Variants in MAP2K2 observed in about 807,000 individuals in gnomAD.
MAP2K2 encodes dual specificity mitogen-activated protein kinase kinase 2.
MAP2K2 carries 24 observed loss-of-function variants against 43.7 expected under a neutral mutation model. That is an observed-to-expected ratio of 0.55 (90% CI 0.40 to 0.77). The LOEUF (loss-of-function observed/expected upper bound fraction) is 0.77, where lower values mean the gene tolerates loss of function less well. MAP2K2 is among the 30% of genes least tolerant of loss of function. The probability of loss-of-function intolerance (pLI) is 0.00; values close to 1 mark genes in which losing one functional copy is unlikely to be tolerated. For synonymous variants in MAP2K2, 244 were observed against 239.7 expected, an observed-to-expected ratio of 1.02 and a Z score of -0.17; for missense variants, 470 against 566.8, an observed-to-expected ratio of 0.83 and a Z score of 1.73.
At chr19:4,122,217 G>C (rs1392800642) in intron 1 of MAP2K2, among the ~76,000 whole-genome samples, 5 of 16,270 alleles carry the variant, frequency 3.1e-4, no homozygotes, top group African/African-American at 1.5e-3. Flanking sequence ...CCCCCATAGG[G>C]ACCCTCCCAC....
chr19:4,094,618 C>T (rs1949120288), intron 9 of MAP2K2, 120 bp from the exon 10 acceptor site: 2 of 935,198 alleles, frequency 2.1e-6, no homozygotes, highest in African/African-American at 3.3e-5. Flanking sequence ...ATCTCTCCGA[C>T]CAGAGAGAGT....
chr19:4,112,515 G>A (rs2041166647), intron 2 of MAP2K2, among the ~76,000 whole-genome samples: 1 of 152,210 alleles, frequency 6.6e-6, no homozygotes, highest in African/African-American at 2.4e-5. Flanking sequence ...CACAGCACAG[G>A]GCGTGTGTGG....
chr19:4,097,274 C>G lies in MAP2K2; in HGVS notation c.984+5G>C. ...AAGAAAAGCCAAAAGGCATCAAGCA[C>G]AAACCTCGTTCACAATATAGTCCAG... On this transcript the variant is annotated splice_donor_5th_base_variant and intron_variant, in intron 8 of 10. Coordinates refer to ENST00000262948, the MANE Select transcript of MAP2K2 (RefSeq NM_030662.4). 6.3e-7 allele frequency: 1 copy of G among 1,576,850 alleles called. No homozygotes were observed. Among genetic ancestry groups the G allele is most frequent in the Non-Finnish European group, 8.7e-7 (1 of 1,153,466 alleles).
chr19:4,107,912 A>G (rs2041105556), intron 3 of MAP2K2, among the ~76,000 whole-genome samples: 1 of 152,176 alleles, frequency 6.6e-6, no homozygotes, highest in Non-Finnish European at 1.5e-5. Context: ...TCACAGCAGA[A>G]GCGGCAAGAG....
intron 10 of MAP2K2, among the ~76,000 whole-genome samples, chr19:4,091,035 C>T (rs563257553): frequency 6.6e-6 from 1 of 152,300 alleles, no homozygotes; most frequent in African/African-American, 2.4e-5. Context: ...GACACCGGGG[C>T]CGGATCATTC....
intron 1 of MAP2K2, among the ~76,000 whole-genome samples, chr19:4,117,861 A>G (rs542850945): frequency 6.6e-6 from 1 of 152,282 alleles, no homozygotes; most frequent in Admixed American, 6.5e-5. Flanking sequence ...ATCCTGTCTC[A>G]ACAAGTCTAG....
rs116476767 is a variant in MAP2K2, at chr19:4,095,188, G to A, written c.1046+200C>T. On this transcript the variant is annotated intron_variant, in intron 9 of 10. Coordinates refer to ENST00000262948, the MANE Select transcript of MAP2K2 (RefSeq NM_030662.4). ...AATCCTGCTTCACCCCTGGGCTCAC[G>A]GACAGGATGGCATGGCAGCCGGGAG... The A allele has an allele frequency of 3.0e-3, 1,755 of 576,182 alleles. 22 individuals carry two copies. Among genetic ancestry groups the A allele is most frequent in the African/African-American group, 0.029 (1,569 of 53,522 alleles). The allele number at this position is 576,182 out of a possible 1,614,324, so 35.7% of individuals were successfully genotyped here.
At chr19:4,120,339 A>T (rs1234050340) in intron 1 of MAP2K2, among the ~76,000 whole-genome samples, 1 of 152,188 alleles carries the variant, frequency 6.6e-6, no homozygotes, top group Non-Finnish European at 1.5e-5. Flanking sequence ...TTTTTGAGAC[A>T]GTCTTGCTCT....
At position 4,117,640 on chromosome 19, in the gene MAP2K2, C is replaced by G. The variant is rs2145081006; in HGVS notation, c.93-11G>C. 1 of 1,613,326 alleles carries G rather than the reference C, an allele frequency of 6.2e-7. No homozygotes were observed. The highest frequency in any genetic ancestry group is 8.5e-7 in the Non-Finnish European group (1 of 1,179,680). ...TCCACCAGGTTTGCCCTGCAGAGAC[C>G]CCCCAGGGTAGGGGTTAGCTACCTA... On this transcript the variant is annotated splice_polypyrimidine_tract_variant and intron_variant, in intron 1 of 10. Transcript: ENST00000262948.
intron 7 of MAP2K2, among the ~76,000 whole-genome samples, chr19:4,098,921 C>T (rs1471071263): frequency 6.6e-6 from 1 of 152,280 alleles, no homozygotes; most frequent in African/African-American, 2.4e-5. Context: ...GAAAATCCAA[C>T]TGCCCAGGGG....
intron 1 of MAP2K2, among the ~76,000 whole-genome samples, chr19:4,118,031 G>A (rs1436201325): frequency 4.6e-5 from 7 of 151,956 alleles, no homozygotes. Flanking sequence ...TTGGCCTCCC[G>A]GGTTCAAGAG....
At chr19:4,094,375 G>A in intron 10 of MAP2K2, 78 bp downstream of exon 10, 2 of 1,483,856 alleles carry the variant, frequency 1.3e-6, no homozygotes, top group South Asian at 1.2e-5. Flanking sequence ...GGCAGGGCCA[G>A]GCCCAGCAGC....
intron 9 of MAP2K2, chr19:4,094,872 C>A: frequency 2.5e-6 from 1 of 400,560 alleles, no homozygotes; most frequent in Non-Finnish European, 4.7e-6. Flanking sequence ...ACCAGGAGTG[C>A]GGTGCCGTTC....
At chr19:4,110,740 C>A in intron 2 of MAP2K2, 85 bp from the exon 3 acceptor site, 1 of 1,489,226 alleles carries the variant, frequency 6.7e-7, no homozygotes, top group South Asian at 1.2e-5. Context: ...TGCAGGCGTT[C>A]CCAACAGTGG....
At chr19:4,093,098 A>C (rs1296895980) in intron 10 of MAP2K2, among the ~76,000 whole-genome samples, 1 of 152,156 alleles carries the variant, frequency 6.6e-6, no homozygotes, top group Admixed American at 6.5e-5. Flanking sequence ...AATCCCAGCT[A>C]CTTAGGAGGC....
intron 10 of MAP2K2, among the ~76,000 whole-genome samples, chr19:4,092,197 C>T (rs1234656398): frequency 6.6e-6 from 1 of 152,164 alleles, no homozygotes; most frequent in Non-Finnish European, 1.5e-5. Flanking sequence ...GCCTATCTTC[C>T]TAAAAGTCGG....
chr19:4,110,794 G>T, intron 2 of MAP2K2, 139 bp from the exon 3 acceptor site: 1 of 879,904 alleles, frequency 1.1e-6, no homozygotes, highest in Non-Finnish European at 1.7e-6. Context: ...ACCCCTAGGT[G>T]TCTGCCTAGA....
At chr19:4,118,268 G>A (rs144899485) in intron 1 of MAP2K2, among the ~76,000 whole-genome samples, 85 of 152,282 alleles carry the variant, frequency 5.6e-4, no homozygotes, top group African/African-American at 1.7e-3. Context: ...CACGAGCTCC[G>A]GACCATGTCG....
chr19:4,101,008 C>G lies in MAP2K2; in HGVS notation c.705+11G>C, dbSNP rs202086678. 952 of 1,552,958 alleles carry G rather than the reference C, an allele frequency of 6.1e-4. 2 individuals are homozygous for G. The African/African-American group carries it at 0.012, about 20-fold the overall frequency. On this transcript the variant is annotated intron_variant, in intron 6 of 10. Coordinates refer to ENST00000262948, the MANE Select transcript of MAP2K2 (RefSeq NM_030662.4). The surrounding 1 kb of genome is among the most constrained non-coding windows in gnomAD (Gnocchi z 6.3). The stretch of plus-strand genomic sequence containing the variant: ...GAGGAGAGCTGGAGGGGAGAGCCAG[C>G]GGGGACTCACAGCCATGTAGGAGCG...
Sources: allele counts gnomAD v4.1 joint callset (sites outside exome capture counted in the v4.1 genomes callset), GRCh38; gene constraint gnomAD v4.1.1; non-coding constraint Gnocchi (gnomAD v3.1); transcripts MANE v1.5; gene names NCBI Gene and HGNC (gene_info 2026-07-23, HGNC 2026-07-21).